The following PCDHA13 variants were observed in gnomAD, a reference collection of about 807,000 sequenced individuals.
PCDHA13 encodes protocadherin alpha 13.
Under a neutral mutation model 64.8 loss-of-function variants are expected in PCDHA13, and 54 were observed. The observed-to-expected ratio is 0.83, with a 90% CI of 0.67 to 1.04. PCDHA13 has a LOEUF of 1.04. Ranked by LOEUF, PCDHA13 falls within the 50% of genes least tolerant of loss-of-function variation. The pLI is 0.00. For missense variants in PCDHA13, 1,248 were observed against 1,254.3 expected (o/e 0.99, Z 0.08); for synonymous variants, 587 against 564.4 (o/e 1.04, Z -0.57).
rs191954731 is a variant in PCDHA13 at position 140,913,936 on chromosome 5, A to G, written c.2394+29274A>G. Among the ~76,000 whole-genome samples the G allele has an allele frequency of 7.5e-3, 1,149 of 152,268 alleles. 4 individuals are homozygous for G. Among genetic ancestry groups the G allele is most frequent in the Admixed American group, 0.013 (194 of 15,286 alleles). ...AATTTTACTTCATTGTGGTCAGAGA[A>G]GAATCTTGATATGATATCATTTTTA... On this transcript the variant is annotated intron_variant, in intron 1 of 3. Transcript: ENST00000289272.
chr5:140,959,301 G>A (rs139206577), intron 1 of PCDHA13, among the ~76,000 whole-genome samples: 161 of 152,140 alleles, frequency 1.1e-3, no homozygotes, highest in Non-Finnish European at 1.1e-3. Context: ...CACTGAGCCC[G>A]GTGGTTGAAG....
intron 1 of PCDHA13, among the ~76,000 whole-genome samples, chr5:140,913,844 A>G (rs1554196074): frequency 1.3e-5 from 2 of 152,194 alleles, no homozygotes; most frequent in African/African-American, 2.4e-5. Flanking sequence ...CCCACTGGTC[A>G]TTCAGGAGCA....
chr5:140,927,939 A>G (rs782391525), intron 1 of PCDHA13: 1 of 1,614,234 alleles, frequency 6.2e-7, no homozygotes, highest in Non-Finnish European at 8.5e-7. Flanking sequence ...CGAACCCAGT[A>G]CCTGAGGACG....
In PCDHA13 at chr5:140,980,207, CT is replaced by C. The variant is rs2096880359; in HGVS notation, c.2453+1204del. Among the ~76,000 whole-genome samples, 4 of 152,182 alleles carry C rather than the reference CT, an allele frequency of 2.6e-5. No individual in the cohort carries two copies. In the South Asian group the frequency reaches 8.3e-4, roughly 31 times the overall value. On this transcript the variant is annotated intron_variant, in intron 2 of 3. Coordinates refer to ENST00000289272, the MANE Select transcript of PCDHA13 (RefSeq NM_018904.3). ...TATATTTATTAGAGACCAACTTGTGCTTTTGCCTGCATCTGAGCTGTTGGTG... is the reference window on the plus strand; with the variant it reads ...TATATTTATTAGAGACCAACTTGTGCTTTGCCTGCATCTGAGCTGTTGGTG...
rs576133039 is a variant in PCDHA13, at chr5:140,882,667, C to T, written c.399C>T (p.Phe133=). The change falls in exon 1 of 4, where the codon TTC becomes TTT. Residue 133 remains phenylalanine (F), a synonymous_variant. Transcript: ENST00000289272. ...ACATTAACGACAACCCGCCCATATT[C>T]CCTGAAAGCAAGAAACGAATAATCA... ...VRDINDNPPI[F]PESKKRIIIA... The T allele has an allele frequency of 1.2e-6, 2 of 1,614,160 alleles. No individual in the cohort carries two copies. The highest frequency in any genetic ancestry group is 1.7e-6 in the Non-Finnish European group (2 of 1,180,042).
chr5:140,988,707 G>A (rs2097310016), intron 3 of PCDHA13, among the ~76,000 whole-genome samples: 1 of 152,106 alleles, frequency 6.6e-6, no homozygotes, highest in African/African-American at 2.4e-5. Context: ...TATTTTCTTG[G>A]ACCTCTCATT....
chr5:140,968,422 G>C, intron 1 of PCDHA13: 2 of 1,613,984 alleles, frequency 1.2e-6, no homozygotes, highest in Non-Finnish European at 1.7e-6. Context: ...TGGAGGCTCA[G>C]GACAAGGGGA....
At chr5:140,915,535 A>G (rs1482564103) in intron 1 of PCDHA13, among the ~76,000 whole-genome samples, 1 of 152,002 alleles carries the variant, frequency 6.6e-6, no homozygotes, top group African/African-American at 2.4e-5. Context: ...ACCATCTTGG[A>G]GGTCTTGAAT....
intron 1 of PCDHA13, among the ~76,000 whole-genome samples, chr5:140,937,621 GAAAA>G (rs1276369305): frequency 1.4e-5 from 2 of 142,038 alleles, no homozygotes; most frequent in Non-Finnish European, 3.1e-5. Context: ...CATCTAAAAA[GAAAA>G]AGAAAGGCAG....
At chr5:141,001,253 C>T (rs896546841) in intron 3 of PCDHA13, among the ~76,000 whole-genome samples, 22 of 152,078 alleles carry the variant, frequency 1.4e-4, no homozygotes, top group African/African-American at 5.1e-4. Flanking sequence ...CCCTATGGGG[C>T]GGGCACTCTT....
At chr5:140,895,367 CT>C (rs35382025) in intron 1 of PCDHA13, among the ~76,000 whole-genome samples, 1 of 152,014 alleles carries the variant, frequency 6.6e-6, no homozygotes, top group Non-Finnish European at 1.5e-5. Context: ...CTTATTGGCA[CT>C]TTTTGGAGTT....
In PCDHA13 at chr5:141,010,289, C is replaced by G. The variant is rs2098416832; in HGVS notation, c.*352C>G. The G allele has an allele frequency of 4.5e-6, 7 of 1,550,274 alleles. No homozygotes were observed. The highest frequency in any genetic ancestry group is 3.9e-5 in the Admixed American group (2 of 50,654). ...GGGGATCCTGTCTTGATGACACTTG[C>G]AGGGCAGGCTGAAAAGTTTTGAGAT... On this transcript the variant is annotated 3_prime_UTR_variant, in exon 4 of 4. Transcript: ENST00000289272.
chr5:140,905,918 T>G (rs536445399), intron 1 of PCDHA13, among the ~76,000 whole-genome samples: 1 of 152,280 alleles, frequency 6.6e-6, no homozygotes, highest in Non-Finnish European at 1.5e-5. Context: ...GAATCCAATC[T>G]GAGTCCCAAA....
intron 1 of PCDHA13, among the ~76,000 whole-genome samples, chr5:140,955,093 G>A (rs1554221774): frequency 6.6e-6 from 1 of 152,118 alleles, no homozygotes; most frequent in African/African-American, 2.4e-5. Flanking sequence ...TAGGTGTGTG[G>A]TGTTATTTCT....
chr5:141,006,368 C>T (rs1395158727), intron 3 of PCDHA13, among the ~76,000 whole-genome samples: 2 of 152,072 alleles, frequency 1.3e-5, no homozygotes, highest in Non-Finnish European at 2.9e-5. Context: ...CCCACCACCA[C>T]GCCCGGCTAA....
chr5:140,938,560 C>T (rs2092118397), intron 1 of PCDHA13, among the ~76,000 whole-genome samples: 1 of 143,272 alleles, frequency 7.0e-6, no homozygotes, highest in Non-Finnish European at 1.5e-5. Flanking sequence ...TTATTAATAG[C>T]ATGCATTATA....
At chr5:140,963,701 AG>A (rs1226096855) in intron 1 of PCDHA13, among the ~76,000 whole-genome samples, 2 of 152,218 alleles carry the variant, frequency 1.3e-5, no homozygotes, top group Non-Finnish European at 1.5e-5. Flanking sequence ...TGATATCTAA[AG>A]GGCCATGCTA....
At position 141,010,636 on chromosome 5, in the gene PCDHA13, A is replaced by G; in HGVS notation, c.*699A>G. On this transcript the variant is annotated 3_prime_UTR_variant, in exon 4 of 4. Coordinates refer to ENST00000289272, the MANE Select transcript of PCDHA13 (RefSeq NM_018904.3). ...AAAATCTGCATCATACCTGCAAGCC[A>G]ACAGTTCAGTGTTTTAACAGAGAAC... is the stretch of plus-strand genomic sequence containing the variant. 1 of 183,300 alleles carries G rather than the reference A, an allele frequency of 5.5e-6. No individual in the cohort carries two copies. The highest frequency in any genetic ancestry group is 1.2e-5 in the Non-Finnish European group (1 of 86,478). 11.4% of individuals were successfully genotyped at this position (183,300 alleles called of 1,614,324 possible). A position where few individuals can be genotyped will look rare whatever the true frequency, so the allele number is the denominator to read the frequency against.
chr5:141,000,603 T>C (rs1237883625), intron 3 of PCDHA13, among the ~76,000 whole-genome samples: 1 of 150,986 alleles, frequency 6.6e-6, no homozygotes, highest in Admixed American at 6.6e-5. Flanking sequence ...AATTTTTGTA[T>C]TTTTAGTAGA....
Sources: gnomAD v4.1 joint callset for allele counts (sites outside exome capture counted in the v4.1 genomes callset) on GRCh38, gnomAD v4.1.1 for gene constraint, MANE v1.5 for transcripts, NCBI Gene and HGNC (gene_info 2026-07-23, HGNC 2026-07-21) for gene names.